The following SHISA9 variants were observed in gnomAD, a reference collection of about 807,000 sequenced individuals.
The protein encoded by SHISA9 is shisa family member 9.
In SHISA9, 13 loss-of-function variants were observed where a neutral mutation model predicts 38.0. The ratio of observed to expected loss-of-function variants is 0.34; its 90% confidence interval spans 0.22 to 0.54. The LOEUF (loss-of-function observed/expected upper bound fraction) is 0.54, where lower values mean the gene tolerates loss of function less well. SHISA9 is among the 20% of genes least tolerant of loss of function. The pLI is 0.91. For missense variants in SHISA9, 538 were observed against 575.8 expected, an observed-to-expected ratio of 0.93 and a Z score of 0.67; for synonymous variants, 275 against 242.0, an observed-to-expected ratio of 1.14 and a Z score of -1.27.
At chr16:13,133,317 G>T (rs977649786) in intron 2 of SHISA9, among the ~76,000 whole-genome samples, 3 of 152,096 alleles carry the variant, frequency 2.0e-5, no homozygotes, top group Non-Finnish European at 4.4e-5. Context: ...ATAATCAAAG[G>T]CTCAAGAAAG....
the SHISA9 span, among the ~76,000 whole-genome samples, chr16:13,324,388 T>C: frequency 6.6e-6 from 1 of 152,110 alleles, no homozygotes; most frequent in Non-Finnish European, 1.5e-5. Context: ...TCCAGGATCC[T>C]GGCCCAGTTT....
chr16:13,413,218 G>A, the SHISA9 span, among the ~76,000 whole-genome samples: 1 of 152,176 alleles, frequency 6.6e-6, no homozygotes, highest in African/African-American at 2.4e-5. Flanking sequence ...CATGGAACTT[G>A]GAGAAAAATT....
the SHISA9 span, among the ~76,000 whole-genome samples, chr16:13,302,159 G>A: frequency 6.6e-6 from 1 of 152,100 alleles, no homozygotes; most frequent in Non-Finnish European, 1.5e-5. Context: ...GTGTCATGGT[G>A]GTTAAAGGGA....
intron 4 of SHISA9, among the ~76,000 whole-genome samples, chr16:13,217,047 G>A (rs2051175971): frequency 1.3e-5 from 2 of 151,718 alleles, no homozygotes; most frequent in Non-Finnish European, 1.5e-5. Flanking sequence ...CGAGGTGGGC[G>A]GATAACGAGG....
At chr16:13,316,453 A>G in the SHISA9 span, among the ~76,000 whole-genome samples, 1 of 152,196 alleles carries the variant, frequency 6.6e-6, no homozygotes, top group African/African-American at 2.4e-5. Flanking sequence ...GTCAGACGCA[A>G]ACCCATGAGG....
the SHISA9 span, among the ~76,000 whole-genome samples, chr16:13,286,932 T>C: frequency 2.5e-4 from 38 of 152,302 alleles, no homozygotes; most frequent in Non-Finnish European, 5.0e-4. Flanking sequence ...CTAAGCTGGA[T>C]GAATTATGGC....
intron 1 of SHISA9, among the ~76,000 whole-genome samples, chr16:12,914,436 G>A (rs1398409624): frequency 6.6e-6 from 1 of 152,070 alleles, no homozygotes; most frequent in Admixed American, 6.5e-5. Context: ...TTCATCTTGG[G>A]CACTGCTGTA....
chr16:13,466,339 TAAGG>T, the SHISA9 span, among the ~76,000 whole-genome samples: 1 of 152,196 alleles, frequency 6.6e-6, no homozygotes, highest in Non-Finnish European at 1.5e-5. Flanking sequence ...GCAATGGCAG[TAAGG>T]AAGAGTGTGT....
the SHISA9 span, among the ~76,000 whole-genome samples, chr16:13,469,373 G>GAAAAGAAA: frequency 1.2e-5 from 1 of 83,558 alleles, no homozygotes; most frequent in Non-Finnish European, 2.6e-5. Context: ...GAAAAAGAAA[G>GAAAAGAAA]AAAGAAAGAA....
intron 2 of SHISA9, among the ~76,000 whole-genome samples, chr16:13,128,704 C>A (rs1567221614): frequency 1.3e-5 from 2 of 152,128 alleles, no homozygotes; most frequent in African/African-American, 4.8e-5. Flanking sequence ...GCTTATGTCC[C>A]ACTGGGAGGC....
At chr16:13,173,045 C>G (rs2050700590) in intron 2 of SHISA9, among the ~76,000 whole-genome samples, 1 of 152,008 alleles carries the variant, frequency 6.6e-6, no homozygotes, top group African/African-American at 2.4e-5. Flanking sequence ...GATAATGTCC[C>G]TTTTATCAAA....
intron 1 of SHISA9, chr16:12,908,405 G>A (rs2071132456): frequency 1.3e-6 from 2 of 1,537,304 alleles, no homozygotes; most frequent in Non-Finnish European, 1.8e-6. Flanking sequence ...AAAAATCCTT[G>A]TTGGTTTTGC....
At chr16:13,495,401 A>G in the SHISA9 span, among the ~76,000 whole-genome samples, 3 of 152,150 alleles carry the variant, frequency 2.0e-5, no homozygotes, top group African/African-American at 7.2e-5. Context: ...AATTATTTCA[A>G]AATAAAAATT....
chr16:13,214,300 C>G (rs1021896990), intron 4 of SHISA9, among the ~76,000 whole-genome samples: 1 of 152,212 alleles, frequency 6.6e-6, no homozygotes, highest in Non-Finnish European at 1.5e-5. Flanking sequence ...CTCCCAGGTT[C>G]AAGGGATTCT....
the SHISA9 span, among the ~76,000 whole-genome samples, chr16:13,452,025 T>C: frequency 6.6e-6 from 1 of 152,256 alleles, no homozygotes; most frequent in East Asian, 1.9e-4. Flanking sequence ...ATCAAGTTAG[T>C]TTTCCCTTTG....
intron 2 of SHISA9, among the ~76,000 whole-genome samples, chr16:13,048,992 G>A (rs1254737527): frequency 6.6e-6 from 1 of 152,102 alleles, no homozygotes; most frequent in African/African-American, 2.4e-5. Context: ...AAATCCTTTA[G>A]TCATTCAAGA....
At chr16:13,245,728 G>A in the SHISA9 span, among the ~76,000 whole-genome samples, 281 of 152,238 alleles carry the variant, frequency 1.8e-3, no homozygotes, top group African/African-American at 6.3e-3. Context: ...CTGGCCTATC[G>A]TGTGTGCTGT....
At chr16:12,973,292 A>G (rs2072109868) in intron 2 of SHISA9, among the ~76,000 whole-genome samples, 1 of 152,196 alleles carries the variant, frequency 6.6e-6, no homozygotes, top group Admixed American at 6.5e-5. Flanking sequence ...GTTTCCTGGA[A>G]TGATATGGGA....
intron 2 of SHISA9, among the ~76,000 whole-genome samples, chr16:13,045,761 ACTG>A (rs1567193927): frequency 4.3e-5 from 1 of 23,420 alleles, no homozygotes; most frequent in Non-Finnish European, 1.5e-4. Flanking sequence ...CCCTGCCCCC[ACTG>A]TGTCCCCCAG....
Sources: allele counts gnomAD v4.1 joint callset (sites outside exome capture counted in the v4.1 genomes callset), GRCh38; gene constraint gnomAD v4.1.1; transcripts MANE v1.5; gene names NCBI Gene and HGNC (gene_info 2026-07-23, HGNC 2026-07-21).